The following PRICKLE2 variants were observed in gnomAD, a reference collection of about 807,000 sequenced individuals.
PRICKLE2 encodes prickle-like protein 2.
PRICKLE2 carries 21 observed loss-of-function variants against 81.4 expected under a neutral mutation model. That is an observed-to-expected ratio of 0.26 (90% CI 0.18 to 0.37). The LOEUF (loss-of-function observed/expected upper bound fraction) is 0.37, where lower values mean the gene tolerates loss of function less well. PRICKLE2 is among the 10% of genes least tolerant of loss of function. The pLI, the probability that PRICKLE2 is intolerant of heterozygous loss-of-function variation, is 1.00. For missense variants in PRICKLE2, 940 were observed against 1,109.0 expected (o/e 0.85, Z 2.16); for synonymous variants, 456 against 421.5 (o/e 1.08, Z -1.00).
intron 2 of PRICKLE2, among the ~76,000 whole-genome samples, chr3:64,193,534 C>T (rs558692050): frequency 3.9e-5 from 6 of 152,140 alleles, no homozygotes; most frequent in Non-Finnish European, 7.3e-5. Flanking sequence ...CTAGAAAAGA[C>T]AGCTCAAGAT....
chr3:64,099,342 G>T lies in PRICKLE2; in HGVS notation c.2244C>A (p.Cys748Ter). Residue 748 changes from cysteine (C) to a stop codon, truncating the protein, a stop_gained, in exon 8 of 8, where the codon TGC becomes TGA. Coordinates refer to ENST00000638394, the MANE Select transcript of PRICKLE2 (RefSeq NM_198859.4). LOFTEE classifies it high-confidence loss of function. The surrounding 1 kb of genome is among the most constrained non-coding windows in gnomAD (Gnocchi z 4.3). ...AAGCCAGGTCCGACACAGTCCTAGG[G>T]CACTGGCCGTACAGGTCCCTCCGGG... is the stretch of plus-strand genomic sequence containing the variant. Reference protein sequence around the residue: ...HGSRRDLYGQCPRTVSDLALQ... With the variant: ...HGSRRDLYGQ 6.2e-7 allele frequency: 1 copy of T among 1,614,194 alleles called. No homozygotes were observed. Among genetic ancestry groups the T allele is most frequent in the Non-Finnish European group, 8.5e-7 (1 of 1,180,010 alleles).
chr3:64,190,890 G>A (rs2078320627), intron 2 of PRICKLE2, among the ~76,000 whole-genome samples: 1 of 152,190 alleles, frequency 6.6e-6, no homozygotes, highest in African/African-American at 2.4e-5. Context: ...TCTGAGGACT[G>A]TGAGGCTGCA....
intron 6 of PRICKLE2, among the ~76,000 whole-genome samples, chr3:64,149,211 T>G (rs988303624): frequency 6.6e-6 from 1 of 152,190 alleles, no homozygotes; most frequent in African/African-American, 2.4e-5. Flanking sequence ...TTCCTCTCCC[T>G]GTGGGACACC....
chr3:64,258,845 AAAAGAAAG>A (rs572884974), intron 2 of PRICKLE2, among the ~76,000 whole-genome samples: 705 of 33,982 alleles, frequency 0.021, 13 homozygotes, highest in Admixed American at 0.051. Flanking sequence ...AAAAAAAAAA[AAAAGAAAG>A]AAAGAAAGAA....
chr3:64,252,777 G>T (rs1162807436), intron 2 of PRICKLE2, among the ~76,000 whole-genome samples: 1 of 152,160 alleles, frequency 6.6e-6, no homozygotes, highest in East Asian at 1.9e-4. Flanking sequence ...TAGATCAGGG[G>T]TCAACAAACT....
chr3:64,150,837 G>A (rs1307601346), intron 6 of PRICKLE2, among the ~76,000 whole-genome samples: 1 of 152,188 alleles, frequency 6.6e-6, no homozygotes, highest in Non-Finnish European at 1.5e-5. Flanking sequence ...TGGAGGGGAG[G>A]CATATCATAA....
chr3:64,245,149 T>C (rs1002405419), intron 2 of PRICKLE2, among the ~76,000 whole-genome samples: 1 of 152,222 alleles, frequency 6.6e-6, no homozygotes. Context: ...CTAGAATTTT[T>C]TTTCGATTTT....
chr3:64,147,683 C>A lies in PRICKLE2; in HGVS notation c.807G>T (p.Met269Ile). Reference sequence around the variant, plus strand: ...CATGCCAGTGTTGGCCATCATAGGTCATTTGACCTTGGTCGATACCTAAAA... The same window carrying A: ...CATGCCAGTGTTGGCCATCATAGGTAATTTGACCTTGGTCGATACCTAAAA... ...AQHIGIDQGQ[M>I]TYDGQHWHAT... Residue 269 changes from methionine to isoleucine, a missense_variant, in exon 7 of 8, where the codon ATG (methionine) becomes ATT (isoleucine). By Grantham distance (10) the Met-to-Ile change is conservative (BLOSUM62 1). This residue lies in a region of PRICKLE2 where 270 missense variants were observed against 391.8 expected (regional missense o/e 0.69). Transcript: ENST00000638394. The surrounding 1 kb of genome is among the most constrained non-coding windows in gnomAD (Gnocchi z 5.0). The A allele has an allele frequency of 6.2e-7, 1 of 1,613,808 alleles. No individual in the cohort carries two copies. Among genetic ancestry groups the A allele is most frequent in the South Asian group, 1.1e-5 (1 of 91,064 alleles).
chr3:64,260,246 C>T (rs531611712), intron 2 of PRICKLE2, among the ~76,000 whole-genome samples: 30 of 152,132 alleles, frequency 2.0e-4, no homozygotes, highest in Non-Finnish European at 1.2e-4. Context: ...CCACACTGAA[C>T]GCACTAACGG....
intron 7 of PRICKLE2, among the ~76,000 whole-genome samples, chr3:64,119,147 A>T (rs1029205847): frequency 2.0e-5 from 3 of 152,214 alleles, no homozygotes; most frequent in African/African-American, 7.2e-5. Flanking sequence ...ACATGTTCTT[A>T]CTTATAAGTG....
chr3:64,188,899 T>C (rs1389661956), intron 2 of PRICKLE2, among the ~76,000 whole-genome samples: 1 of 152,212 alleles, frequency 6.6e-6, no homozygotes, highest in African/African-American at 2.4e-5. Flanking sequence ...AACTCCTTGC[T>C]CCAGATCATA....
chr3:64,149,969 C>CT (rs34841544), intron 6 of PRICKLE2, among the ~76,000 whole-genome samples: 34,770 of 109,224 alleles, frequency 0.32, 6,966 homozygotes, highest in Admixed American at 0.43. Context: ...TCAACTCCAT[C>CT]TTTTTTTTTT....
intron 1 of PRICKLE2, among the ~76,000 whole-genome samples, chr3:64,218,122 A>G (rs1245905610): frequency 6.6e-6 from 1 of 152,208 alleles, no homozygotes; most frequent in Non-Finnish European, 1.5e-5. Context: ...AATTTAAAAT[A>G]GCCAAAACCT....
At chr3:64,181,105 C>G (rs1245522793) in intron 2 of PRICKLE2, among the ~76,000 whole-genome samples, 2 of 152,184 alleles carry the variant, frequency 1.3e-5, no homozygotes, top group African/African-American at 2.4e-5. Flanking sequence ...GGAAATAAAT[C>G]ACCACTGATA....
intron 2 of PRICKLE2, among the ~76,000 whole-genome samples, chr3:64,170,502 C>G (rs1000881350): frequency 5.3e-5 from 8 of 152,060 alleles, no homozygotes; most frequent in Non-Finnish European, 1.0e-4. Flanking sequence ...GCAGTCGAGT[C>G]TCTATTCAGC....
chr3:64,212,321 T>C (rs759965814), intron 1 of PRICKLE2, among the ~76,000 whole-genome samples: 14 of 152,254 alleles, frequency 9.2e-5, no homozygotes, highest in Non-Finnish European at 1.8e-4. Flanking sequence ...TTTTATGGCA[T>C]GCACACTTTT....
At chr3:64,125,172 G>A (rs1029705517) in intron 7 of PRICKLE2, among the ~76,000 whole-genome samples, 1 of 152,192 alleles carries the variant, frequency 6.6e-6, no homozygotes, top group Non-Finnish European at 1.5e-5. Context: ...ATTAAGAGTG[G>A]AGCCTGAAGA....
chr3:64,145,976 T>G (rs2107013000), intron 7 of PRICKLE2: 1 of 152,160 alleles, frequency 6.6e-6, no homozygotes, highest in South Asian at 2.1e-4. Flanking sequence ...GGATCTTAAT[T>G]TAAGAATTTT....
Position 64,198,591 on chromosome 3 carries a change from T to C in PRICKLE2, c.144+193A>G, listed in dbSNP as rs191322640. ...ATGACAATACAGAATGAATTAGCAATGGATCACTCCTGGCTCAATTTCATT... is the reference window on the plus strand; with the variant it reads ...ATGACAATACAGAATGAATTAGCAACGGATCACTCCTGGCTCAATTTCATT... On this transcript the variant is annotated intron_variant, in intron 2 of 7. Transcript: ENST00000638394. The C allele has an allele frequency of 4.2e-4, 275 of 657,196 alleles. 1 individual carries two copies. Among genetic ancestry groups the C allele is most frequent in the African/African-American group, 3.3e-3 (186 of 56,058 alleles). 40.7% of individuals were successfully genotyped at this position (657,196 alleles called of 1,614,324 possible). A position where few individuals can be genotyped will look rare whatever the true frequency, so the allele number is the denominator to read the frequency against.
Sources: gnomAD v4.1 joint callset for allele counts (sites outside exome capture counted in the v4.1 genomes callset) on GRCh38, gnomAD v4.1.1 for gene constraint, gnomAD v4.1.1 regional missense constraint, Gnocchi (gnomAD v3.1) non-coding constraint, MANE v1.5 for transcripts, NCBI Gene and HGNC (gene_info 2026-07-23, HGNC 2026-07-21) for gene names.